FOCAD: variants seen among roughly 807,000 people sequenced by gnomAD.
The protein encoded by FOCAD is KIAA1797.
A neutral mutation model predicts 225.6 loss-of-function variants in FOCAD; 198 were observed. The observed-to-expected ratio is 0.88, with a 90% CI of 0.78 to 0.99. FOCAD has a LOEUF of 0.99. FOCAD is among the 50% of genes least tolerant of loss of function. The pLI, the probability that FOCAD is intolerant of heterozygous loss-of-function variation, is 0.00. For synonymous variants in FOCAD, 897 were observed against 755.0 expected (o/e 1.19, Z -3.08); for missense variants, 2,713 against 2,123.6 (o/e 1.28, Z -5.46).
chr9:20,710,513 C>G (rs1230934941), intron 1 of FOCAD, among the ~76,000 whole-genome samples: 2 of 151,798 alleles, frequency 1.3e-5, no homozygotes, highest in East Asian at 3.9e-4. Context: ...AGGAGAATTG[C>G]TTGAACCCAG....
At chr9:20,946,661 C>A (rs763993875) in intron 29 of FOCAD, 40 bp from the exon 30 acceptor site, 2 of 1,568,276 alleles carry the variant, frequency 1.3e-6, no homozygotes, top group Admixed American at 1.9e-5. Flanking sequence ...TTTTATTTTT[C>A]CTCCTGAAGA....
At chr9:20,725,715 G>A (rs1020013792) in intron 4 of FOCAD, among the ~76,000 whole-genome samples, 23 of 152,112 alleles carry the variant, frequency 1.5e-4, no homozygotes, top group Admixed American at 1.0e-3. Flanking sequence ...GGCTTAGAGC[G>A]GGTTACATTG....
At chr9:20,907,300 G>A (rs1833062144) in intron 22 of FOCAD, 58 bp downstream of exon 22, 6 of 1,381,126 alleles carry the variant, frequency 4.3e-6, no homozygotes, top group South Asian at 1.2e-5. Context: ...CTCATGTTTT[G>A]CTACAAATGT....
intron 21 of FOCAD, among the ~76,000 whole-genome samples, chr9:20,896,618 C>T (rs1052211128): frequency 1.3e-5 from 2 of 151,646 alleles, no homozygotes; most frequent in African/African-American, 4.8e-5. Context: ...AATGAATTGG[C>T]CCATTTCATC....
chr9:20,670,857 C>T (rs533398692), intron 2 of FOCAD, among the ~76,000 whole-genome samples: 11 of 152,312 alleles, frequency 7.2e-5, no homozygotes, highest in South Asian at 2.1e-4. Flanking sequence ...ACAATAGGCA[C>T]TCTGAAGAAC....
At chr9:20,890,317 G>A (rs12379622) in intron 21 of FOCAD, among the ~76,000 whole-genome samples, 25,186 of 148,832 alleles carry the variant, frequency 0.17, 2,594 homozygotes, top group Non-Finnish European at 0.23. Flanking sequence ...AGATTTTGTC[G>A]ACTTCCTTTG....
intron 8 of FOCAD, among the ~76,000 whole-genome samples, chr9:20,771,818 C>A (rs1157803101): frequency 6.6e-6 from 1 of 152,172 alleles, no homozygotes; most frequent in Non-Finnish European, 1.5e-5. Flanking sequence ...AGTCCAAGCA[C>A]AGGGTGCTGG....
intron 18 of FOCAD, among the ~76,000 whole-genome samples, chr9:20,872,610 TTTC>T (rs1403195871): frequency 1.3e-5 from 2 of 150,520 alleles, no homozygotes; most frequent in African/African-American, 4.9e-5. Context: ...CCTTCCTTCC[TTTC>T]TTTTCTCTTT....
chr9:20,916,804 C>A, intron 23 of FOCAD, 89 bp from the exon 24 acceptor site: 1 of 1,182,372 alleles, frequency 8.5e-7, no homozygotes, highest in African/African-American at 1.6e-5. Flanking sequence ...GGAGCCATTG[C>A]TGGAGGTTCT....
intron 5 of FOCAD, among the ~76,000 whole-genome samples, chr9:20,745,597 A>G (rs1827979962): frequency 6.6e-6 from 1 of 152,112 alleles, no homozygotes; most frequent in Admixed American, 6.6e-5. Context: ...GCATATTCAT[A>G]TTATGGCAAT....
At chr9:20,933,428 AT>A (rs1396915742) in intron 28 of FOCAD, among the ~76,000 whole-genome samples, 3 of 152,204 alleles carry the variant, frequency 2.0e-5, no homozygotes, top group African/African-American at 7.2e-5. Context: ...GCTCCCACTT[AT>A]GAGTGAGAAT....
chr9:20,915,268 A>G (rs1251661100), intron 23 of FOCAD, among the ~76,000 whole-genome samples: 1 of 152,158 alleles, frequency 6.6e-6, no homozygotes, highest in African/African-American at 2.4e-5. Flanking sequence ...TCACTTAGGG[A>G]GTGAATAAAG....
chr9:20,667,926 AT>A (rs199838305), intron 2 of FOCAD, among the ~76,000 whole-genome samples: 41 of 150,502 alleles, frequency 2.7e-4, no homozygotes, highest in African/African-American at 8.3e-4. Context: ...TTGAATCATA[AT>A]TTTTTTTTTA....
Position 20,764,798 on chromosome 9 carries a change from G to T in FOCAD, c.495-71G>T, listed in dbSNP as rs1032102882. The T allele has an allele frequency of 6.1e-6, 7 of 1,155,978 alleles. No individual in the cohort carries two copies. The African/African-American group carries it at 1.1e-4, about 18-fold the overall frequency. The allele number at this position is 1,155,978 out of a possible 1,614,324, so 71.6% of individuals were successfully genotyped here. ...TATGTTATGTCATGAACTATAAGTT[G>T]ATATTTGCCACTTACCTGCTTGATA... is the stretch of plus-strand genomic sequence containing the variant. On this transcript the variant is annotated intron_variant, in intron 6 of 43. Coordinates refer to ENST00000338382, the MANE Select transcript of FOCAD (RefSeq NM_001375567.1).
At chr9:20,718,586 A>T (rs1825529719) in intron 3 of FOCAD, among the ~76,000 whole-genome samples, 1 of 152,036 alleles carries the variant, frequency 6.6e-6, no homozygotes, top group Non-Finnish European at 1.5e-5. Flanking sequence ...ACATTTCTTT[A>T]TTGCTTCTGC....
chr9:20,970,550 CTT>C (rs1000358926), intron 35 of FOCAD, among the ~76,000 whole-genome samples: 3 of 151,884 alleles, frequency 2.0e-5, no homozygotes, highest in African/African-American at 7.3e-5. Flanking sequence ...AAAAAGAACT[CTT>C]TTTGATATTC....
chr9:20,691,866 C>T (rs553931192), intron 1 of FOCAD, among the ~76,000 whole-genome samples: 2 of 152,232 alleles, frequency 1.3e-5, no homozygotes, highest in South Asian at 2.1e-4. Flanking sequence ...CTCCGCCTCC[C>T]GGGTTCAAGC....
chr9:20,732,442 G>A (rs1288689463), intron 4 of FOCAD, among the ~76,000 whole-genome samples: 2 of 152,178 alleles, frequency 1.3e-5, no homozygotes, highest in African/African-American at 4.8e-5. Context: ...AAGGAGATTG[G>A]CTGTTAAGAT....
Position 20,866,917 on chromosome 9 carries a change from T to TTTTTTTTTTTTTTTAA in FOCAD, c.2107-12_2107-11insTTTTTTTTTTTTTTAA. On this transcript the variant is annotated splice_polypyrimidine_tract_variant and intron_variant, in intron 17 of 43. Coordinates refer to ENST00000338382, the MANE Select transcript of FOCAD (RefSeq NM_001375567.1). ...TTTTTTTTTTTTTTTTTTTTTTTTTTACCCTATCTAGGACCCAATTGTAGC... is the reference window on the plus strand; with the variant it reads ...TTTTTTTTTTTTTTTTTTTTTTTTTTTTTTTTTTTTTTTTAAACCCTATCTAGGACCCAATTGTAGC... 1 of 764,968 alleles carries TTTTTTTTTTTTTTTAA rather than the reference T, an allele frequency of 1.3e-6. No individual in the cohort carries two copies. The highest frequency in any genetic ancestry group is 2.0e-6 in the Non-Finnish European group (1 of 498,464). 47.4% of individuals were successfully genotyped at this position (764,968 alleles called of 1,614,324 possible).
Sources: gnomAD v4.1 joint callset for allele counts (sites outside exome capture counted in the v4.1 genomes callset) on GRCh38, gnomAD v4.1.1 for gene constraint, MANE v1.5 for transcripts, NCBI Gene and HGNC (gene_info 2026-07-23, HGNC 2026-07-21) for gene names.